The following HOOK3 variants were observed in gnomAD, a reference collection of about 807,000 sequenced individuals.
The protein encoded by HOOK3 is protein Hook homolog 3.
A neutral mutation model predicts 116.3 loss-of-function variants in HOOK3; 24 were observed. The ratio of observed to expected loss-of-function variants is 0.21; its 90% CI spans 0.15 to 0.29. The LOEUF (loss-of-function observed/expected upper bound fraction) is 0.29. HOOK3 is among the 10% of genes least tolerant of loss of function. The pLI is 1.00. For synonymous variants in HOOK3, 275 were observed against 283.0 expected, an observed-to-expected ratio of 0.97 and a Z score of 0.28; for missense variants, 632 against 830.2, an observed-to-expected ratio of 0.76 and a Z score of 2.93.
At chr8:42,999,948 CA>C (rs1362670288) in intron 16 of HOOK3, among the ~76,000 whole-genome samples, 1 of 152,064 alleles carries the variant, frequency 6.6e-6, no homozygotes, top group African/African-American at 2.4e-5. Flanking sequence ...AGATCGAGAT[CA>C]TCCTGACTAA....
chr8:42,904,538 C>G (rs940077420), intron 1 of HOOK3, among the ~76,000 whole-genome samples: 1 of 152,036 alleles, frequency 6.6e-6, no homozygotes, highest in African/African-American at 2.4e-5. Context: ...GTTCTGATCT[C>G]CAGACCTCGT....
intron 15 of HOOK3, among the ~76,000 whole-genome samples, chr8:42,996,895 T>TC (rs1809280471): frequency 1.6e-5 from 1 of 62,632 alleles, no homozygotes; most frequent in Non-Finnish European, 2.8e-5. Context: ...GGCAGGGATC[T>TC]TTTTTTTTTT....
intron 13 of HOOK3, among the ~76,000 whole-genome samples, chr8:42,975,736 CGCTCTGTCACCCAG>C (rs1163826983): frequency 6.6e-6 from 1 of 152,092 alleles, no homozygotes; most frequent in Non-Finnish European, 1.5e-5. Flanking sequence ...GACGGAGTCT[CGCTCTGTCACCCAG>C]GCTGGAGTGC....
chr8:42,964,405 A>G lies in HOOK3; in HGVS notation c.710A>G (p.Asn237Ser), dbSNP rs1300302286. 6 of 1,614,152 alleles carry G rather than the reference A, an allele frequency of 3.7e-6. No homozygotes were observed. Among genetic ancestry groups the G allele is most frequent in the Non-Finnish European group, 4.2e-6 (5 of 1,179,990 alleles). Residue 237 changes from asparagine (N) to serine (S), a missense_variant, in exon 9 of 22, where the codon AAC (asparagine) becomes AGC (serine). By Grantham distance (46) the Asn-to-Ser change is conservative (BLOSUM62 1). This residue lies in a region of HOOK3 where 483 missense variants were observed against 648.1 expected (regional missense o/e 0.75). Transcript: ENST00000307602. ...LNQSDSIEDP[N>S]SPAGRRHLQL... ...CAATCTGATTCTATAGAAGACCCTA[A>G]CAGTCCAGCAGGAAGAAGGCATTTG...
intron 7 of HOOK3, among the ~76,000 whole-genome samples, chr8:42,957,826 CTTTTTTT>C (rs11383704): frequency 7.4e-6 from 1 of 135,290 alleles, no homozygotes; most frequent in Non-Finnish European, 1.6e-5. Context: ...ATATCTCTTC[CTTTTTTT>C]TTTTTTTTTT....
intron 15 of HOOK3, among the ~76,000 whole-genome samples, chr8:42,988,432 A>G (rs950651519): frequency 1.3e-5 from 2 of 152,186 alleles, no homozygotes; most frequent in African/African-American, 2.4e-5. Flanking sequence ...TGTTTCTCAC[A>G]GGCTTTATAA....
At chr8:42,966,281 T>C (rs1332533334) in intron 9 of HOOK3, among the ~76,000 whole-genome samples, 192 bp from the exon 10 acceptor site, 1 of 152,162 alleles carries the variant, frequency 6.6e-6, no homozygotes, top group East Asian at 1.9e-4. Flanking sequence ...GTTGTCACCG[T>C]TCCCAAGACT....
chr8:42,947,260 G>C (rs1030049115), intron 5 of HOOK3, among the ~76,000 whole-genome samples: 3 of 152,152 alleles, frequency 2.0e-5, no homozygotes, highest in African/African-American at 7.2e-5. Flanking sequence ...TTTTAAGGTG[G>C]AAAATAGAAA....
Position 42,960,473 on chromosome 8 carries a change from T to C in HOOK3, c.615+1159T>C, listed in dbSNP as rs905836917. Among the ~76,000 whole-genome samples the C allele has an allele frequency of 3.0e-4, 45 of 152,246 alleles. 1 individual carries two copies. The highest frequency in any genetic ancestry group is 2.9e-3 in the Admixed American group (45 of 15,290). On this transcript the variant is annotated intron_variant, in intron 8 of 21. Transcript: ENST00000307602. ...AGTCATAAGCATGTAATGTTTAATG[T>C]AAACCTTATTGGTTTTCAACATTTA...
intron 2 of HOOK3, among the ~76,000 whole-genome samples, chr8:42,910,729 T>C (rs1807409607): frequency 6.6e-6 from 1 of 152,254 alleles, no homozygotes; most frequent in South Asian, 2.1e-4. Flanking sequence ...ATTTGATATT[T>C]ATTGAATGGC....
intron 8 of HOOK3, among the ~76,000 whole-genome samples, chr8:42,962,529 C>T (rs1439477187): frequency 6.6e-6 from 1 of 151,316 alleles, no homozygotes; most frequent in Non-Finnish European, 1.5e-5. Flanking sequence ...GCCTCAGCCT[C>T]CCAAGTAGTG....
chr8:42,916,096 C>CAGAT (rs1358760241), intron 2 of HOOK3, among the ~76,000 whole-genome samples: 2 of 152,216 alleles, frequency 1.3e-5, no homozygotes, highest in East Asian at 3.9e-4. Flanking sequence ...GCCTCTCCAT[C>CAGAT]AGATGTTCCC....
rs941656512 is a variant in HOOK3, at chr8:43,028,312, C to T, written c.*9814C>T. On this transcript the variant is annotated 3_prime_UTR_variant, in exon 22 of 22. Transcript: ENST00000307602. ...CAGGCTGCAGTAAGGTCTGATCACA[C>T]CTGACTGCACTCCAGCCTGGGTGGC... 2.2e-5 allele frequency: 4 copies of T among 183,668 alleles called. No homozygotes were observed. Among genetic ancestry groups the T allele is most frequent in the African/African-American group, 9.4e-5 (4 of 42,530 alleles). 11.4% of individuals were successfully genotyped at this position (183,668 alleles called of 1,614,324 possible).
intron 15 of HOOK3, among the ~76,000 whole-genome samples, chr8:42,996,894 CTTTT>C (rs60094537): frequency 7.6e-4 from 59 of 77,880 alleles, no homozygotes; most frequent in African/African-American, 2.5e-3. Context: ...GGGCAGGGAT[CTTTT>C]TTTTTTTTTT....
chr8:43,013,052 T>C lies in HOOK3; in HGVS notation c.1841T>C (p.Val614Ala). The C allele has an allele frequency of 6.3e-7, 1 of 1,588,974 alleles. No homozygotes were observed. The highest frequency in any genetic ancestry group is 8.6e-7 in the Non-Finnish European group (1 of 1,168,728). Residue 614 changes from valine to alanine, a missense_variant and splice_region_variant, in exon 20 of 22, where the codon GTC (valine) becomes GCC (alanine). Around this residue, in one of 3 missense-constraint regions of HOOK3, gnomAD observed 483 missense variants for 648.1 expected, o/e 0.75. Transcript: ENST00000307602. Reference protein sequence around the residue: ...YKKYLEKAKSVIRTLDPKQNQ... With the variant: ...YKKYLEKAKSAIRTLDPKQNQ... ...TTTTTCTTTTATTATTTTTTGCAGG[T>C]CATCCGTACTTTAGATCCTAAACAG... is the stretch of plus-strand genomic sequence containing the variant.
intron 16 of HOOK3, among the ~76,000 whole-genome samples, chr8:42,998,975 T>C (rs1307795338): frequency 6.6e-6 from 1 of 152,190 alleles, no homozygotes. Flanking sequence ...CTAGGTCCTT[T>C]AAACTGAGAA....
chr8:42,900,699 G>C (rs980623145), intron 1 of HOOK3, among the ~76,000 whole-genome samples: 1 of 152,196 alleles, frequency 6.6e-6, no homozygotes, highest in Non-Finnish European at 1.5e-5. Flanking sequence ...TCTGACATTA[G>C]GCAGCCTGGG....
intron 8 of HOOK3, among the ~76,000 whole-genome samples, chr8:42,959,653 A>C (rs1291848355): frequency 7.5e-6 from 1 of 133,170 alleles, no homozygotes; most frequent in Non-Finnish European, 1.6e-5. Context: ...TGGGAGGCAG[A>C]GGTTGCAGTG....
chr8:42,931,360 A>G (rs890852024), intron 4 of HOOK3, among the ~76,000 whole-genome samples: 1 of 149,584 alleles, frequency 6.7e-6, no homozygotes, highest in Admixed American at 6.7e-5. Context: ...AATCCTGGCC[A>G]TATCAGCAGT....
Sources: allele counts gnomAD v4.1 joint callset (sites outside exome capture counted in the v4.1 genomes callset), GRCh38; gene constraint gnomAD v4.1.1; regional missense constraint gnomAD v4.1.1; transcripts MANE v1.5; gene names NCBI Gene and HGNC (gene_info 2026-07-23, HGNC 2026-07-21).